LARP4B: variants seen among roughly 807,000 people sequenced by gnomAD.
LARP4B encodes the protein La ribonucleoprotein 4B.
In LARP4B, 12 loss-of-function variants were observed where a neutral mutation model predicts 89.8. The observed-to-expected ratio is 0.13, with a 90% CI of 0.09 to 0.22. The LOEUF is 0.22. Among genes scored for constraint, LARP4B ranks in the 10% least tolerant of loss-of-function variants. The pLI is 1.00. For synonymous variants in LARP4B, 367 were observed against 363.3 expected, an observed-to-expected ratio of 1.01 and a Z score of -0.12; for missense variants, 757 against 947.7, an observed-to-expected ratio of 0.80 and a Z score of 2.64.
At chr10:816,208 G>A (rs1832047976) in intron 15 of LARP4B, among the ~76,000 whole-genome samples, 1 of 152,262 alleles carries the variant, frequency 6.6e-6, no homozygotes, top group South Asian at 2.1e-4. Flanking sequence ...CAGCCTGGGT[G>A]ACAGAGCAAG....
intron 7 of LARP4B, among the ~76,000 whole-genome samples, chr10:837,240 A>G (rs1833266897): frequency 6.6e-6 from 1 of 152,214 alleles, no homozygotes; most frequent in African/African-American, 2.4e-5. Context: ...GCATGACTGT[A>G]ACTTAGTTTT....
At position 812,856 on chromosome 10, in the gene LARP4B, G is replaced by T; in HGVS notation, c.*70C>A. 7.1e-7 allele frequency: 1 copy of T among 1,403,862 alleles called. No homozygotes were observed. Among genetic ancestry groups the T allele is most frequent in the Non-Finnish European group, 9.4e-7 (1 of 1,065,338 alleles). 87.0% of individuals were successfully genotyped at this position (1,403,862 alleles called of 1,614,324 possible). ...AGCTCCTAACCAGCGGCTCGCCCTC[G>T]CACTGAGTGGGAGAGTGTCTCGTTT... On this transcript the variant is annotated 3_prime_UTR_variant, in exon 18 of 18. Transcript: ENST00000316157.
In LARP4B at chr10:817,855, G is replaced by A; in HGVS notation, c.1565C>T (p.Pro522Leu). The change falls in exon 15 of 18, where the codon CCT becomes CTT. Residue 522 changes from proline (P) to leucine (L), a missense_variant. Pro to Leu is a moderately conservative substitution (Grantham distance 98, BLOSUM62 -3). This residue lies in a region of LARP4B where 387 missense variants were observed against 423.6 expected (regional missense o/e 0.91). Coordinates refer to ENST00000316157, the MANE Select transcript of LARP4B (RefSeq NM_015155.3). The part of the protein sequence containing the change: ...SQTQSPTPPK[P>L]PSPSFELGLS... ...CCCCAGCTCGAAGCTTGGCGACGGAGGCTTTGGTGGCGTTGGAGACTGTGT... is the reference window on the plus strand; with the variant it reads ...CCCCAGCTCGAAGCTTGGCGACGGAAGCTTTGGTGGCGTTGGAGACTGTGT... 2 of 1,614,164 alleles carry A rather than the reference G, an allele frequency of 1.2e-6. No homozygotes were observed. Among genetic ancestry groups the A allele is most frequent in the East Asian group, 2.2e-5 (1 of 44,892 alleles).
intron 1 of LARP4B, among the ~76,000 whole-genome samples, chr10:889,913 T>C (rs1267610886): frequency 6.6e-6 from 1 of 152,174 alleles, no homozygotes; most frequent in Non-Finnish European, 1.5e-5. Flanking sequence ...AAACATACTC[T>C]AGCCTAAGCG....
At chr10:815,665 C>A (rs1282818534) in intron 15 of LARP4B, 1 of 152,262 alleles carries the variant, frequency 6.6e-6, no homozygotes, top group East Asian at 1.9e-4. Context: ...TCCCTCCTTA[C>A]TCCAGCCAGC....
the LARP4B span, chr10:986,196 A>G: frequency 6.6e-6 from 1 of 152,258 alleles, no homozygotes; most frequent in African/African-American, 2.4e-5. Flanking sequence ...AAAAGGTCTG[A>G]AAAACAAAGC....
At chr10:974,154 T>G in the LARP4B span, among the ~76,000 whole-genome samples, 10 of 152,080 alleles carry the variant, frequency 6.6e-5, no homozygotes, top group Admixed American at 5.2e-4. Context: ...GAGAGCTGGT[T>G]TGGAATGGCA....
At chr10:911,059 T>C (rs543450420) in intron 1 of LARP4B, among the ~76,000 whole-genome samples, 3 of 152,192 alleles carry the variant, frequency 2.0e-5, no homozygotes, top group Non-Finnish European at 4.4e-5. Context: ...TGTGGAAACA[T>C]CAGCTGGATG....
chr10:980,574 T>A, the LARP4B span, among the ~76,000 whole-genome samples: 1 of 152,236 alleles, frequency 6.6e-6, no homozygotes, highest in Non-Finnish European at 1.5e-5. Flanking sequence ...AACGGTTATG[T>A]TCTCCAAAGT....
At chr10:864,025 A>T (rs1834763293) in intron 4 of LARP4B, 98 bp downstream of exon 4, 1 of 1,567,246 alleles carries the variant, frequency 6.4e-7, no homozygotes, top group African/African-American at 1.4e-5. Context: ...ACCATGACAC[A>T]GTTATGAATG....
intron 3 of LARP4B, among the ~76,000 whole-genome samples, chr10:878,859 A>G (rs1835562662): frequency 6.6e-6 from 1 of 152,202 alleles, no homozygotes. Flanking sequence ...AATGAAAAAG[A>G]GTTTGCAAAA....
At chr10:981,906 A>G in the LARP4B span, among the ~76,000 whole-genome samples, 1 of 152,166 alleles carries the variant, frequency 6.6e-6, no homozygotes, top group Admixed American at 6.5e-5. Flanking sequence ...TCCCTAGCTG[A>G]CCATGTAAAA....
chr10:983,507 T>C, the LARP4B span, among the ~76,000 whole-genome samples: 1 of 152,196 alleles, frequency 6.6e-6, no homozygotes, highest in Non-Finnish European at 1.5e-5. Context: ...ATAGTTGGGT[T>C]CTGGTGCAGC....
At chr10:861,140 A>G (rs573089520) in intron 5 of LARP4B, among the ~76,000 whole-genome samples, 2 of 152,318 alleles carry the variant, frequency 1.3e-5, no homozygotes, top group Admixed American at 6.5e-5. Context: ...TGGGTGACAC[A>G]GCAAGACTCC....
chr10:971,084 C>T, the LARP4B span: 1 of 152,186 alleles, frequency 6.6e-6, no homozygotes, highest in Non-Finnish European at 1.5e-5. Flanking sequence ...GCAAGCCCAG[C>T]CGCAGTTTTA....
At chr10:831,276 CT>C (rs76857973) in intron 8 of LARP4B, among the ~76,000 whole-genome samples, 15,993 of 121,898 alleles carry the variant, frequency 0.13, 1,102 homozygotes, top group Middle Eastern at 0.24. Flanking sequence ...AACTGCACAA[CT>C]TTTTTTTTTT....
At chr10:974,623 G>C in the LARP4B span, among the ~76,000 whole-genome samples, 1 of 152,178 alleles carries the variant, frequency 6.6e-6, no homozygotes, top group Admixed American at 6.5e-5. Context: ...GCTCTGACCT[G>C]GGCTGCTTGT....
At chr10:934,412 C>T (rs967404569), upstream of LARP4B, among the ~76,000 whole-genome samples, 5 of 152,062 alleles carry the variant, frequency 3.3e-5, no homozygotes, top group Admixed American at 1.3e-4. Flanking sequence ...GTGGGAGGAT[C>T]GCTTGAGGTT....
At chr10:846,109 C>T (rs1264507994) in intron 5 of LARP4B, among the ~76,000 whole-genome samples, 1 of 152,210 alleles carries the variant, frequency 6.6e-6, no homozygotes, top group East Asian at 1.9e-4. Flanking sequence ...AAAACACAAC[C>T]TGATGCCACT....
Sources: allele counts gnomAD v4.1 joint callset (sites outside exome capture counted in the v4.1 genomes callset), GRCh38; gene constraint gnomAD v4.1.1; regional missense constraint gnomAD v4.1.1; transcripts MANE v1.5; gene names NCBI Gene and HGNC (gene_info 2026-07-23, HGNC 2026-07-21).